The following COL22A1 variants were observed in gnomAD, a reference collection of about 807,000 sequenced individuals.
COL22A1 encodes collagen alpha-1(XXII) chain.
COL22A1 carries 221 observed loss-of-function variants against 248.9 expected under a neutral mutation model. That is an observed-to-expected ratio of 0.89 (90% CI 0.80 to 0.99). COL22A1 has a LOEUF of 0.99. Among genes scored for constraint, COL22A1 ranks in the 50% least tolerant of loss-of-function variants. COL22A1 has a pLI of 0.00. For synonymous variants in COL22A1, 891 were observed against 793.4 expected (o/e 1.12, Z -2.07); for missense variants, 2,240 against 2,179.0 (o/e 1.03, Z -0.56).
intron 30 of COL22A1, among the ~76,000 whole-genome samples, chr8:138,707,404 C>T (rs926902935): frequency 7.9e-5 from 12 of 152,064 alleles, no homozygotes; most frequent in African/African-American, 2.2e-4. Flanking sequence ...TATGGCAAAC[C>T]GAATCCGGCA....
intron 27 of COL22A1, 26 bp from the exon 28 acceptor site, chr8:138,716,895 A>G: frequency 1.3e-6 from 2 of 1,573,550 alleles, no homozygotes; most frequent in African/African-American, 1.3e-5. Context: ...AACATACCCC[A>G]TTATTCTCCA....
At position 138,623,763 on chromosome 8, in the gene COL22A1, C is replaced by G. The variant is rs202139236; in HGVS notation, c.3740G>C (p.Arg1247Thr). ...TCCAGGGGGACCCGGCTTTCCATCT[C>G]TGCCCTCTTTGCCTTCTTCTCCCTG... ...GIPGEEGKEGRDGKPGPPGEP... is the reference protein window; with the variant it reads ...GIPGEEGKEGTDGKPGPPGEP... Residue 1247 changes from arginine (R) to threonine (T), a missense_variant, in exon 52 of 65, where the codon AGA becomes ACA. Arg to Thr is a moderately conservative substitution (Grantham distance 71, BLOSUM62 -1). Coordinates refer to ENST00000303045, the MANE Select transcript of COL22A1 (RefSeq NM_152888.3). The G allele has an allele frequency of 6.2e-7, 1 of 1,612,830 alleles. No individual in the cohort carries two copies. Among genetic ancestry groups the G allele is most frequent in the Admixed American group, 1.7e-5 (1 of 59,766 alleles).
intron 16 of COL22A1, 26 bp from the exon 17 acceptor site, chr8:138,762,492 A>G (rs1207819366): frequency 6.2e-7 from 1 of 1,612,480 alleles, no homozygotes; most frequent in African/African-American, 1.3e-5. Flanking sequence ...AAATGGTGAA[A>G]TAAAGAGGTT....
intron 3 of COL22A1, among the ~76,000 whole-genome samples, chr8:138,865,059 A>T: frequency 6.6e-6 from 1 of 152,224 alleles, no homozygotes; most frequent in East Asian, 1.9e-4. Flanking sequence ...TTATAAACAA[A>T]TAGACATCCC....
At chr8:138,796,775 T>A in intron 12 of COL22A1, 44 bp downstream of exon 12, 2 of 1,376,086 alleles carry the variant, frequency 1.5e-6, no homozygotes, top group Non-Finnish European at 2.1e-6. Flanking sequence ...CTAAGTCCTC[T>A]GTCCCATTCC....
chr8:138,901,684 C>A (rs887740294), intron 1 of COL22A1, among the ~76,000 whole-genome samples: 3 of 152,064 alleles, frequency 2.0e-5, no homozygotes, highest in African/African-American at 7.2e-5. Flanking sequence ...GGACTTCCTA[C>A]ACATCCTCAC....
In COL22A1 at chr8:138,636,762, C is replaced by T. The variant is rs774618373; in HGVS notation, c.3535G>A (p.Val1179Ile). 1.2e-6 allele frequency: 2 copies of T among 1,613,524 alleles called. No homozygotes were observed. Among genetic ancestry groups the T allele is most frequent in the East Asian group, 2.2e-5 (1 of 44,866 alleles). The change falls in exon 48 of 65, where the codon GTT (valine) becomes ATT (isoleucine). Residue 1179 changes from valine to isoleucine, a missense_variant. By Grantham distance (29) the Val-to-Ile change is conservative (BLOSUM62 3). Coordinates refer to ENST00000303045, the MANE Select transcript of COL22A1 (RefSeq NM_152888.3). ...TTTACCTGATCACCTTTCTGCCCAACCTCACCATCTGCACCACGTTCTCCT... is the reference window on the plus strand; with the variant it reads ...TTTACCTGATCACCTTTCTGCCCAATCTCACCATCTGCACCACGTTCTCCT... ...SQGERGADGE[V>I]GQKGDQGHPG...
chr8:138,770,129 C>T (rs1834242514), intron 16 of COL22A1, among the ~76,000 whole-genome samples: 1 of 152,192 alleles, frequency 6.6e-6, no homozygotes, highest in African/African-American at 2.4e-5. Flanking sequence ...TCCTCCGATT[C>T]CAAGGCTGGT....
chr8:138,779,635 C>T, intron 13 of COL22A1, 73 bp from the exon 14 acceptor site: 1 of 984,498 alleles, frequency 1.0e-6, no homozygotes. Flanking sequence ...AGCCCACAGT[C>T]TCCCAGGGCC....
At chr8:138,856,009 T>C (rs1411704789) in intron 3 of COL22A1, among the ~76,000 whole-genome samples, 1 of 152,036 alleles carries the variant, frequency 6.6e-6, no homozygotes, top group Non-Finnish European at 1.5e-5. Context: ...AGGGGCAGGA[T>C]GGAAGGAGCT....
intron 16 of COL22A1, among the ~76,000 whole-genome samples, chr8:138,765,524 G>A (rs1322920680): frequency 6.6e-6 from 1 of 152,248 alleles, no homozygotes; most frequent in Non-Finnish European, 1.5e-5. Context: ...GGAATAGGCT[G>A]AGGCGGACAT....
chr8:138,635,128 A>T, intron 48 of COL22A1, 65 bp from the exon 49 acceptor site: 1 of 1,345,636 alleles, frequency 7.4e-7, no homozygotes, highest in South Asian at 1.3e-5. Context: ...TTGTGCAAAT[A>T]TCAAATTTCA....
intron 58 of COL22A1, among the ~76,000 whole-genome samples, chr8:138,605,569 G>A (rs1818359005): frequency 6.6e-6 from 1 of 152,162 alleles, no homozygotes; most frequent in African/African-American, 2.4e-5. Context: ...CCAACGGGCT[G>A]GGCTTGGCTG....
intron 37 of COL22A1, among the ~76,000 whole-genome samples, chr8:138,687,931 C>T (rs1395114654): frequency 6.6e-6 from 1 of 152,218 alleles, no homozygotes; most frequent in Admixed American, 6.5e-5. Flanking sequence ...CAAAAAATAT[C>T]TCCCTGGGTA....
At chr8:138,903,447 A>G (rs1481743881) in intron 1 of COL22A1, among the ~76,000 whole-genome samples, 1 of 152,178 alleles carries the variant, frequency 6.6e-6, no homozygotes, top group Non-Finnish European at 1.5e-5. Flanking sequence ...TACATTTTAA[A>G]TCATATGTTG....
intron 1 of COL22A1, among the ~76,000 whole-genome samples, chr8:138,889,457 G>T (rs1043026480): frequency 1.3e-5 from 2 of 151,978 alleles, no homozygotes; most frequent in Admixed American, 1.3e-4. Context: ...GTAAACTATC[G>T]CAAGGACAAA....
intron 10 of COL22A1, among the ~76,000 whole-genome samples, chr8:138,807,384 T>C (rs1478468810): frequency 1.3e-5 from 2 of 152,178 alleles, no homozygotes; most frequent in African/African-American, 4.8e-5. Context: ...AAATCATGTG[T>C]TTAAAGGGTC....
chr8:138,691,735 T>C (rs1168488845), intron 35 of COL22A1, among the ~76,000 whole-genome samples: 1 of 151,356 alleles, frequency 6.6e-6, no homozygotes, highest in Admixed American at 6.6e-5. Flanking sequence ...CATGTGAGTG[T>C]GCATGTTTGT....
intron 12 of COL22A1, among the ~76,000 whole-genome samples, chr8:138,782,768 G>A (rs962737732): frequency 5.9e-4 from 89 of 151,854 alleles, no homozygotes; most frequent in African/African-American, 2.1e-3. Context: ...TGTGGGAACA[G>A]AATTGGGCTT....
Sources: gnomAD v4.1 joint callset for allele counts (sites outside exome capture counted in the v4.1 genomes callset) on GRCh38, gnomAD v4.1.1 for gene constraint, MANE v1.5 for transcripts, NCBI Gene and HGNC (gene_info 2026-07-23, HGNC 2026-07-21) for gene names.